Variants in BLTP3B observed in about 807,000 individuals in gnomAD.
BLTP3B encodes the protein bridge-like lipid transfer protein family member 3B.
chr12:100,136,603 T>C, the BLTP3B span, among the ~76,000 whole-genome samples: 1 of 152,190 alleles, frequency 6.6e-6, no homozygotes, highest in African/African-American at 2.4e-5. Flanking sequence ...ATACAAATAT[T>C]AGCCTATCAG....
chr12:100,051,149 T>C, the BLTP3B span: 1 of 1,614,146 alleles, frequency 6.2e-7, no homozygotes, highest in Non-Finnish European at 8.5e-7. Context: ...TTCACCATAA[T>C]TCTGTAGGTT....
the BLTP3B span, chr12:100,097,522 G>C: frequency 6.3e-7 from 1 of 1,585,448 alleles, no homozygotes; most frequent in Admixed American, 1.8e-5. Flanking sequence ...AGAACACAGA[G>C]ATTAACTTCA....
chr12:100,039,831 C>A, the BLTP3B span: 1 of 1,520,822 alleles, frequency 6.6e-7, no homozygotes, highest in Non-Finnish European at 8.9e-7. Context: ...TTTCCAAATA[C>A]TTGATAAATC....
the BLTP3B span, among the ~76,000 whole-genome samples, chr12:100,050,546 C>T: frequency 2.3e-4 from 35 of 152,094 alleles, no homozygotes; most frequent in African/African-American, 8.2e-4. Flanking sequence ...TCATTAAAAG[C>T]TAGACATAAT....
chr12:100,090,793 T>C, the BLTP3B span, among the ~76,000 whole-genome samples: 1 of 152,188 alleles, frequency 6.6e-6, no homozygotes, highest in Non-Finnish European at 1.5e-5. Flanking sequence ...TTTCCCATTT[T>C]CAAAGCTATA....
the BLTP3B span, among the ~76,000 whole-genome samples, chr12:100,046,797 A>G: frequency 2.0e-5 from 3 of 152,222 alleles, no homozygotes; most frequent in African/African-American, 7.2e-5. Flanking sequence ...AATAAAATCC[A>G]CATAATGATG....
the BLTP3B span, among the ~76,000 whole-genome samples, chr12:100,097,940 T>A: frequency 1.3e-4 from 20 of 152,192 alleles, no homozygotes; most frequent in Admixed American, 9.8e-4. Context: ...GAGAGCTGGG[T>A]GCAATGGTTC....
At chr12:100,072,933 G>T in the BLTP3B span, 1 of 1,044,028 alleles carries the variant, frequency 9.6e-7, no homozygotes, top group Non-Finnish European at 1.3e-6. Context: ...TTAATTTCCA[G>T]TGTAAACTTT....
At chr12:100,042,760 T>G in the BLTP3B span, among the ~76,000 whole-genome samples, 4 of 152,312 alleles carry the variant, frequency 2.6e-5, no homozygotes, top group East Asian at 3.9e-4. Flanking sequence ...AGATTATGAC[T>G]CACTGAAGGT....
the BLTP3B span, among the ~76,000 whole-genome samples, chr12:100,083,915 G>A: frequency 1.3e-5 from 2 of 152,312 alleles, no homozygotes; most frequent in Admixed American, 6.5e-5. Flanking sequence ...TAGGCCGGGC[G>A]TGGTGGCTCA....
the BLTP3B span, chr12:100,142,460 G>C: frequency 2.5e-5 from 25 of 1,002,586 alleles, no homozygotes; most frequent in Admixed American, 5.4e-4. Context: ...CCTCTGCCCC[G>C]GCCAGAGCGG....
chr12:100,102,379 TA>T, the BLTP3B span, among the ~76,000 whole-genome samples: 1 of 152,106 alleles, frequency 6.6e-6, no homozygotes, highest in African/African-American at 2.4e-5. Flanking sequence ...CCCAAAGTGC[TA>T]GGATTACAGG....
the BLTP3B span, chr12:100,039,485 C>A: frequency 8.7e-7 from 1 of 1,155,822 alleles, no homozygotes; most frequent in Non-Finnish European, 1.2e-6. Context: ...GGCACAATAA[C>A]AAGCACTCGG....
the BLTP3B span, chr12:100,051,889 T>C: frequency 6.8e-3 from 1,041 of 152,066 alleles, 9 homozygotes; most frequent in South Asian, 0.016. Context: ...CTACCAAAAA[T>C]ACAAAAAATT....
the BLTP3B span, among the ~76,000 whole-genome samples, chr12:100,116,830 G>A: frequency 6.6e-6 from 1 of 152,126 alleles, no homozygotes; most frequent in East Asian, 1.9e-4. Context: ...GATCACCTGT[G>A]TAGAAAATCA....
chr12:100,056,490 A>G, the BLTP3B span, among the ~76,000 whole-genome samples: 9,035 of 152,018 alleles, frequency 0.059, 881 homozygotes, highest in African/African-American at 0.2. Flanking sequence ...TATGTTACTA[A>G]TTATCTAATC....
At chr12:100,057,541 A>G in the BLTP3B span, 1 of 1,579,908 alleles carries the variant, frequency 6.3e-7, no homozygotes. Context: ...TGTACGTAAT[A>G]TGAATTCTTA....
the BLTP3B span, among the ~76,000 whole-genome samples, chr12:100,117,494 G>A: frequency 2.8e-4 from 43 of 151,914 alleles, no homozygotes; most frequent in East Asian, 1.9e-4. Context: ...AGGCAGTCTC[G>A]TTCTGTCGCC....
the BLTP3B span, among the ~76,000 whole-genome samples, chr12:100,112,285 C>A: frequency 6.6e-6 from 1 of 152,094 alleles, no homozygotes; most frequent in Admixed American, 6.6e-5. Flanking sequence ...TTGAGACCAG[C>A]CTGGGCTGGT....
Sources: allele counts gnomAD v4.1 joint callset (sites outside exome capture counted in the v4.1 genomes callset), GRCh38; gene constraint gnomAD v4.1.1; transcripts MANE v1.5; gene names NCBI Gene and HGNC (gene_info 2026-07-23, HGNC 2026-07-21).